The following ANKFN1 variants were observed in gnomAD, a reference collection of about 807,000 sequenced individuals.
The protein encoded by ANKFN1 is ankyrin repeat and fibronectin type III domain containing 1.
ANKFN1 carries 74 observed loss-of-function variants against 108.7 expected under a neutral mutation model. That is an observed-to-expected ratio of 0.68 (90% CI 0.56 to 0.83). The LOEUF is 0.83. ANKFN1 is among the 40% of genes least tolerant of loss of function. The pLI is 0.00. For synonymous variants in ANKFN1, 547 were observed against 516.2 expected (o/e 1.06, Z -0.81); for missense variants, 1,505 against 1,382.3 (o/e 1.09, Z -1.41).
At chr17:56,383,109 T>C (rs944617464) in intron 8 of ANKFN1, among the ~76,000 whole-genome samples, 3 of 152,010 alleles carry the variant, frequency 2.0e-5, no homozygotes, top group South Asian at 2.1e-4. Flanking sequence ...TGTAAAAGAA[T>C]AGAAATTATA....
intron 1 of ANKFN1, among the ~76,000 whole-genome samples, chr17:56,207,935 C>T (rs1914666285): frequency 6.6e-6 from 1 of 152,140 alleles, no homozygotes; most frequent in African/African-American, 2.4e-5. Flanking sequence ...GATACTTGTA[C>T]CCATCAGCGC....
At chr17:56,231,619 G>A (rs1916742174) in intron 3 of ANKFN1, among the ~76,000 whole-genome samples, 1 of 152,156 alleles carries the variant, frequency 6.6e-6, no homozygotes, top group Non-Finnish European at 1.5e-5. Context: ...GATTCCCAGG[G>A]CCTATGCCCA....
At chr17:56,261,795 C>T (rs575000626) in intron 3 of ANKFN1, among the ~76,000 whole-genome samples, 37 of 152,334 alleles carry the variant, frequency 2.4e-4, no homozygotes, top group African/African-American at 8.7e-4. Context: ...GGGTCTGCAT[C>T]TCCCCGTCCA....
chr17:56,237,886 C>A (rs71387446), intron 3 of ANKFN1, among the ~76,000 whole-genome samples: 2,759 of 152,100 alleles, frequency 0.018, 32 homozygotes, highest in Middle Eastern at 0.048. Context: ...AATTTGAAAT[C>A]TTTCTAACTT....
intron 3 of ANKFN1, among the ~76,000 whole-genome samples, chr17:56,243,792 T>A (rs1418962302): frequency 6.6e-6 from 1 of 152,140 alleles, no homozygotes; most frequent in Non-Finnish European, 1.5e-5. Context: ...CATACAGGCA[T>A]GCATTTTAAA....
chr17:56,198,655 A>G (rs1187691250), intron 1 of ANKFN1, among the ~76,000 whole-genome samples: 3 of 152,166 alleles, frequency 2.0e-5, no homozygotes, highest in Admixed American at 6.5e-5. Flanking sequence ...AGTGTTTTCT[A>G]TGAGGTAAAA....
chr17:56,462,778 A>G (rs1029257904), intron 14 of ANKFN1, among the ~76,000 whole-genome samples: 7 of 152,202 alleles, frequency 4.6e-5, no homozygotes, highest in African/African-American at 1.4e-4. Flanking sequence ...AAAAGCCTCC[A>G]AAGTCATCCC....
At chr17:56,170,670 G>A (rs1444804956) in intron 1 of ANKFN1, among the ~76,000 whole-genome samples, 1 of 150,474 alleles carries the variant, frequency 6.6e-6, no homozygotes, top group Non-Finnish European at 1.5e-5. Context: ...GGCTGAGGCA[G>A]GAGAATCTCT....
At chr17:56,354,300 G>A (rs73311758) in intron 6 of ANKFN1, among the ~76,000 whole-genome samples, 5,495 of 152,242 alleles carry the variant, frequency 0.036, 328 homozygotes, top group African/African-American at 0.12. Flanking sequence ...GAATTTTATT[G>A]CAAGCTTTAA....
At chr17:56,432,113 T>C (rs943856584) in intron 8 of ANKFN1, among the ~76,000 whole-genome samples, 1 of 152,228 alleles carries the variant, frequency 6.6e-6, no homozygotes, top group Admixed American at 6.5e-5. Flanking sequence ...TGATTTCCAA[T>C]TGTCACTGGG....
At chr17:56,258,695 G>A (rs1312683564) in intron 3 of ANKFN1, among the ~76,000 whole-genome samples, 2 of 152,264 alleles carry the variant, frequency 1.3e-5, no homozygotes, top group African/African-American at 2.4e-5. Context: ...CGGATCACGA[G>A]GTCAGGAGAT....
intron 4 of ANKFN1, among the ~76,000 whole-genome samples, chr17:56,339,902 C>G (rs1187003353): frequency 1.3e-5 from 2 of 152,152 alleles, no homozygotes; most frequent in Non-Finnish European, 1.5e-5. Context: ...AATGGCTGGA[C>G]TAATTTACAC....
chr17:56,050,147 G>C (rs1405507765), intron 4 of ANKFN1, among the ~76,000 whole-genome samples: 5 of 151,570 alleles, frequency 3.3e-5, no homozygotes, highest in Non-Finnish European at 5.9e-5. Context: ...GGCCAGTGAT[G>C]ATGAGCATTT....
rs1175316609 is a variant in ANKFN1, at chr17:56,363,758, A to T, written c.602-8888A>T. ...AATACTATTCAGCCTTTAAAAAGGA[A>T]GGAAATGTCATTTGTGACAAAATCG... On this transcript the variant is annotated intron_variant, in intron 6 of 20. Coordinates refer to ENST00000682825, the MANE Select transcript of ANKFN1 (RefSeq NM_001370326.1). Among the ~76,000 whole-genome samples the T allele has an allele frequency of 3.3e-5, 5 of 152,336 alleles. No homozygotes were observed. In the East Asian group the frequency reaches 9.6e-4, roughly 29 times the overall value.
At chr17:56,230,356 G>T (rs927657914) in intron 3 of ANKFN1, among the ~76,000 whole-genome samples, 2 of 152,150 alleles carry the variant, frequency 1.3e-5, no homozygotes, top group African/African-American at 4.8e-5. Flanking sequence ...TGGGGAAGGA[G>T]AGAGGAAGGA....
chr17:56,232,741 C>T (rs1439279885), intron 3 of ANKFN1, among the ~76,000 whole-genome samples: 1 of 152,084 alleles, frequency 6.6e-6, no homozygotes, highest in Admixed American at 6.6e-5. Flanking sequence ...ACCAGATGCT[C>T]AGTAAATGCT....
chr17:56,283,256 C>T (rs891194892), intron 3 of ANKFN1, among the ~76,000 whole-genome samples: 2 of 152,098 alleles, frequency 1.3e-5, no homozygotes, highest in Admixed American at 6.6e-5. Flanking sequence ...CCAGCTCCAT[C>T]ATGTTGCTGC....
intron 4 of ANKFN1, among the ~76,000 whole-genome samples, chr17:56,089,435 C>T (rs1165322905): frequency 1.3e-5 from 2 of 151,526 alleles, no homozygotes; most frequent in Middle Eastern, 3.4e-3. Flanking sequence ...AGCAGAATTG[C>T]ATGCCAGAGC....
chr17:56,410,929 T>C (rs2048072156), intron 8 of ANKFN1, among the ~76,000 whole-genome samples: 1 of 152,242 alleles, frequency 6.6e-6, no homozygotes, highest in Admixed American at 6.5e-5. Flanking sequence ...ACAATAGCTT[T>C]ATAATATATT....
Sources: gnomAD v4.1 joint callset for allele counts (sites outside exome capture counted in the v4.1 genomes callset) on GRCh38, gnomAD v4.1.1 for gene constraint, MANE v1.5 for transcripts, NCBI Gene and HGNC (gene_info 2026-07-23, HGNC 2026-07-21) for gene names.